DCST1: variants seen among roughly 807,000 people sequenced by gnomAD.
DCST1 encodes E3 ubiquitin-protein ligase DCST1.
Under a neutral mutation model 89.1 loss-of-function variants are expected in DCST1, and 78 were observed. That is an observed-to-expected ratio of 0.88 (90% CI 0.73 to 1.06). The LOEUF (loss-of-function observed/expected upper bound fraction) is 1.06, where lower values mean the gene tolerates loss of function less well. Among genes scored for constraint, DCST1 ranks in the 50% least tolerant of loss-of-function variants. DCST1 has a pLI of 0.00. For missense variants in DCST1, 900 were observed against 928.6 expected (o/e 0.97, Z 0.40); for synonymous variants, 364 against 371.9 (o/e 0.98, Z 0.24).
rs1327946899 is a variant in DCST1 at position 155,043,570 on chromosome 1, A to C, written c.1172+61A>C. On this transcript the variant is annotated intron_variant, in intron 10 of 16. Transcript: ENST00000295542. ...TGCCCCGGACTGGAGCCCTGCCCTG[A>C]GGGAGGCTGTAAGGATGGAACCCTA... The C allele has an allele frequency of 1.9e-5, 28 of 1,502,998 alleles. No homozygotes were observed. The Middle Eastern group carries it at 1.0e-3, about 54-fold the overall frequency. 93.1% of individuals were successfully genotyped at this position (1,502,998 alleles called of 1,614,324 possible).
Position 155,050,636 on chromosome 1 carries a change from T to C in DCST1, c.1889T>C (p.Ile630Thr). 6.3e-7 allele frequency: 1 copy of C among 1,593,252 alleles called. No homozygotes were observed. Among genetic ancestry groups the C allele is most frequent in the Non-Finnish European group, 8.5e-7 (1 of 1,174,228 alleles). ...CAACAGCGCCACCCGCTGGCGGATA[T>C]CCTGCACCGCGGCTGCCCGCTCCTG... ...QKAPRHPLAD[I>T]LHRGCPLLRR... The change falls in exon 17 of 17, where the codon ATC becomes ACC. Residue 630 changes from isoleucine (I) to threonine (T), a missense_variant. Physicochemically the swap from Ile to Thr is moderately conservative, Grantham distance 89 (BLOSUM62 -1). Coordinates refer to ENST00000295542, the MANE Select transcript of DCST1 (RefSeq NM_152494.4).
At chr1:155,041,676 G>A (rs200401811) in intron 7 of DCST1, 38 bp from the exon 8 acceptor site, 2 of 1,614,112 alleles carry the variant, frequency 1.2e-6, no homozygotes, top group Admixed American at 1.7e-5. Flanking sequence ...TGTGGATCAA[G>A]ATGTGGGAAC....
Position 155,034,561 on chromosome 1 carries a change from G to A in DCST1, c.187+1G>A. ...GGCGCTGGGGGGCTCCTGGCCATAG[G>A]TGAGTGTGGAAGCAGAAAGTTCGGG... On this transcript the variant is annotated splice_donor_variant, in intron 3 of 16. Transcript: ENST00000295542. LOFTEE classifies it high-confidence loss of function. The A allele has an allele frequency of 6.2e-7, 1 of 1,613,882 alleles. No homozygotes were observed. The highest frequency in any genetic ancestry group is 1.1e-5 in the South Asian group (1 of 91,090).
intron 10 of DCST1, chr1:155,045,357 C>A: frequency 5.3e-6 from 1 of 187,268 alleles, no homozygotes. Context: ...GCACCGTGCT[C>A]AAGGGTAGCC....
intron 4 of DCST1, among the ~76,000 whole-genome samples, chr1:155,036,277 C>CGGA (rs1660276776): frequency 6.6e-6 from 1 of 152,188 alleles, no homozygotes; most frequent in Non-Finnish European, 1.5e-5. Flanking sequence ...CAGGAGACTA[C>CGGA]TTTTTCTCTG....
chr1:155,045,855 T>C, intron 10 of DCST1, 38 bp from the exon 11 acceptor site: 2 of 1,565,034 alleles, frequency 1.3e-6, no homozygotes, highest in Non-Finnish European at 1.8e-6. Flanking sequence ...GAGGAGAACC[T>C]GGAAGAGATG....
In DCST1 at chr1:155,048,134, C is replaced by G; in HGVS notation, c.1833C>G (p.Ala611=). 1.2e-6 allele frequency: 2 copies of G among 1,614,046 alleles called. No homozygotes were observed. Among genetic ancestry groups the G allele is most frequent in the Non-Finnish European group, 1.7e-6 (2 of 1,179,988 alleles). The change falls in exon 16 of 17, where the codon GCC becomes GCG. Residue 611 remains alanine, a synonymous_variant. Coordinates refer to ENST00000295542, the MANE Select transcript of DCST1 (RefSeq NM_152494.4). The part of the protein sequence containing the change: ...KRAAFTKLRR[A]AILRRERQQK... ...CAGCCTTCACCAAACTCAGGAGGGC[C>G]GCTATCCTGAGGCGGGAGCGACAGC...
In DCST1 at chr1:155,034,515, A is replaced by G. The variant is rs1474840069; in HGVS notation, c.142A>G (p.Thr48Ala). ...GCGCCAGCCGGGCGAGTTTCCTGTC[A>G]CTGCTCTCCTGCTGGGGGCAGGCGC... is the stretch of plus-strand genomic sequence containing the variant. The part of the protein sequence containing the change: ...LWRQPGEFPV[T>A]ALLLGAGAGG... The change falls in exon 3 of 17, where the codon ACT becomes GCT. Residue 48 changes from threonine (T) to alanine (A), a missense_variant. Thr to Ala is a moderately conservative substitution (Grantham distance 58, BLOSUM62 0). Coordinates refer to ENST00000295542, the MANE Select transcript of DCST1 (RefSeq NM_152494.4). The G allele has an allele frequency of 2.5e-6, 4 of 1,613,326 alleles. No individual in the cohort carries two copies. In the African/African-American group the frequency reaches 5.3e-5, roughly 22 times the overall value.
At chr1:155,037,966 T>A (rs957194666) in intron 4 of DCST1, among the ~76,000 whole-genome samples, 1 of 152,260 alleles carries the variant, frequency 6.6e-6, no homozygotes, top group African/African-American at 2.4e-5. Flanking sequence ...TTTAGACAGA[T>A]CCAGATTTAT....
At chr1:155,039,858 G>A (rs992498774) in intron 5 of DCST1, among the ~76,000 whole-genome samples, 1 of 151,960 alleles carries the variant, frequency 6.6e-6, no homozygotes, top group African/African-American at 2.4e-5. Context: ...AGGCATGGTG[G>A]TGCACACCTA....
Position 155,034,053 on chromosome 1 carries a change from A to G in DCST1, c.17A>G (p.His6Arg). 6.2e-7 allele frequency: 1 copy of G among 1,614,116 alleles called. No individual in the cohort carries two copies. Among genetic ancestry groups the G allele is most frequent in the South Asian group, 1.1e-5 (1 of 91,084 alleles). Residue 6 changes from histidine to arginine, a missense_variant, in exon 2 of 17, where the codon CAT becomes CGT. Coordinates refer to ENST00000295542, the MANE Select transcript of DCST1 (RefSeq NM_152494.4). ...AACAGACTCATGGACATTAAACATC[A>G]TCAGAATGGCACAAGAGGGCAAAGA... MDIKH[H>R]QNGTRGQRRK...
chr1:155,039,922 C>T (rs575312030), intron 5 of DCST1, among the ~76,000 whole-genome samples: 2 of 130,038 alleles, frequency 1.5e-5, no homozygotes, highest in Admixed American at 9.2e-5. Flanking sequence ...ACCTGGGAGG[C>T]GGAGCCTGCA....
In DCST1 at chr1:155,049,511, T is replaced by A. The variant is rs1441721879; in HGVS notation, c.1870-1106T>A. On this transcript the variant is annotated intron_variant, in intron 16 of 16. Transcript: ENST00000295542. ...CTCACTGCAACCTCCACCTCCCCAG[T>A]TCAAGCGATTCTCGTGCCTCAGCTT... is the stretch of plus-strand genomic sequence containing the variant. Among the ~76,000 whole-genome samples the A allele has an allele frequency of 5.3e-5, 8 of 151,828 alleles. 1 individual carries two copies. In the East Asian group the frequency reaches 1.5e-3, roughly 29 times the overall value.
rs1558114649 is a variant in DCST1, at chr1:155,050,770, G to A, written c.2023G>A (p.Asp675Asn). 1 of 1,611,766 alleles carries A rather than the reference G, an allele frequency of 6.2e-7. No homozygotes were observed. The highest frequency in any genetic ancestry group is 8.5e-7 in the Non-Finnish European group (1 of 1,179,150). The change falls in exon 17 of 17, where the codon GAC becomes AAC. Residue 675 changes from aspartate to asparagine, a missense_variant. Physicochemically the swap from Asp to Asn is conservative, Grantham distance 23. Transcript: ENST00000295542. The stretch of plus-strand genomic sequence containing the variant: ...GGCCGTGTACTGCTGGTCGTGCTGG[G>A]ACGACATGCGGCAGCGGTGCCCGGT... ...CEAVYCWSCW[D>N]DMRQRCPVCT...
chr1:155,037,537 G>A (rs752735996), intron 4 of DCST1, among the ~76,000 whole-genome samples: 15 of 150,776 alleles, frequency 9.9e-5, no homozygotes, highest in South Asian at 8.4e-4. Flanking sequence ...TCCGCCTCCC[G>A]GGTTCAAGCA....
chr1:155,034,444 G>C lies in DCST1; in HGVS notation c.71G>C (p.Arg24Thr). The C allele has an allele frequency of 6.2e-7, 1 of 1,614,058 alleles. No homozygotes were observed. The highest frequency in any genetic ancestry group is 8.5e-7 in the Non-Finnish European group (1 of 1,180,034). Residue 24 changes from arginine (R) to threonine (T), a missense_variant, in exon 3 of 17, where the codon AGG becomes ACG. Physicochemically the swap from Arg to Thr is moderately conservative, Grantham distance 71. Transcript: ENST00000295542. ...CCTGTCCCCCTCTTAGCGGTGCAGAGGCTCCTGACCTGGGGGCTGCCAGTC... is the reference window on the plus strand; with the variant it reads ...CCTGTCCCCCTCTTAGCGGTGCAGACGCTCCTGACCTGGGGGCTGCCAGTC... ...RRKQPHTTVQ[R>T]LLTWGLPVSC...
At chr1:155,040,986 G>C (rs1660422043) in intron 6 of DCST1, among the ~76,000 whole-genome samples, 1 of 152,244 alleles carries the variant, frequency 6.6e-6, no homozygotes, top group East Asian at 1.9e-4. Context: ...GGGGGTTTGG[G>C]AGAATTGGAG....
Position 155,040,557 on chromosome 1 carries a change from T to A in DCST1, c.464T>A (p.Ile155Asn). 1 of 1,592,664 alleles carries A rather than the reference T, an allele frequency of 6.3e-7. No individual in the cohort carries two copies. Among genetic ancestry groups the A allele is most frequent in the Non-Finnish European group, 8.6e-7 (1 of 1,168,738 alleles). The change falls in exon 6 of 17, where the codon ATC (isoleucine) becomes AAC (asparagine). Residue 155 changes from isoleucine to asparagine, a missense_variant. Ile to Asn is a moderately radical substitution (Grantham distance 149, BLOSUM62 -3). Transcript: ENST00000295542. ...ASLGCTVELQ[I>N]NNTRAAWRIS... ...CTGGGCTGCACCGTGGAGCTGCAGA[T>A]CAACAACACCCGCGCAGCTTGGCGC...
In DCST1 at chr1:155,043,443, G is replaced by A. The variant is rs747727777; in HGVS notation, c.1106G>A (p.Arg369Gln). 1.3e-5 allele frequency: 21 copies of A among 1,612,874 alleles called. No individual in the cohort carries two copies. The highest frequency in any genetic ancestry group is 9.3e-5 in the African/African-American group (7 of 74,874). ...VRDYVYRQEA[R>Q]LEWALGLLHV... ...GACTACGTGTACCGCCAGGAGGCCC[G>A]GCTGGAGTGGGCCCTGGGGCTGCTG... Residue 369 changes from arginine to glutamine, a missense_variant, in exon 10 of 17, where the codon CGG becomes CAG. By Grantham distance (43) the Arg-to-Gln change is conservative. Transcript: ENST00000295542.
Sources: allele counts gnomAD v4.1 joint callset (sites outside exome capture counted in the v4.1 genomes callset), GRCh38; gene constraint gnomAD v4.1.1; transcripts MANE v1.5; gene names NCBI Gene and HGNC (gene_info 2026-07-23, HGNC 2026-07-21).